Variants in EYA2 observed in about 807,000 individuals in gnomAD.
The protein encoded by EYA2 is protein phosphatase EYA2.
A neutral mutation model predicts 69.2 loss-of-function variants in EYA2; 31 were observed. The observed-to-expected ratio is 0.45, with a 90% CI of 0.34 to 0.60. EYA2 has a LOEUF of 0.60. Ranked by LOEUF, EYA2 falls within the 20% of genes least tolerant of loss-of-function variation. The pLI, the probability that EYA2 is intolerant of heterozygous loss-of-function variation, is 0.02. For synonymous variants in EYA2, 257 were observed against 279.4 expected (o/e 0.92, Z 0.80); for missense variants, 622 against 701.2 (o/e 0.89, Z 1.28).
chr20:47,027,597 G>T (rs1207509697), intron 5 of EYA2, among the ~76,000 whole-genome samples: 1 of 152,228 alleles, frequency 6.6e-6, no homozygotes, highest in East Asian at 1.9e-4. Flanking sequence ...AGTTAGATTT[G>T]GTCACCCCTA....
intron 10 of EYA2, among the ~76,000 whole-genome samples, chr20:47,166,393 T>TA (rs370944686): frequency 0.012 from 405 of 34,514 alleles, 114 homozygotes; most frequent in Non-Finnish European, 0.021. Flanking sequence ...CAAGACTGTC[T>TA]AAAAAAAAAA....
intron 1 of EYA2, among the ~76,000 whole-genome samples, chr20:46,899,065 C>T (rs1206255548): frequency 5.3e-5 from 8 of 152,170 alleles, no homozygotes; most frequent in African/African-American, 1.9e-4. Context: ...CTTGCCGCAA[C>T]CCCTTGAGTA....
chr20:47,090,797 T>C (rs1018456185), intron 8 of EYA2, among the ~76,000 whole-genome samples: 2 of 152,248 alleles, frequency 1.3e-5, no homozygotes, highest in African/African-American at 4.8e-5. Context: ...TGTAGTAGTA[T>C]TGGCCAGGTA....
chr20:47,035,164 G>A (rs528022324), intron 5 of EYA2, among the ~76,000 whole-genome samples: 5 of 152,290 alleles, frequency 3.3e-5, no homozygotes, highest in South Asian at 2.1e-4. Context: ...CAAGAACTGC[G>A]TCCTGTCCCT....
intron 1 of EYA2, among the ~76,000 whole-genome samples, chr20:46,977,909 T>C (rs369805455): frequency 6.6e-6 from 1 of 152,154 alleles, no homozygotes; most frequent in South Asian, 2.1e-4. Flanking sequence ...CCCAAAGTTG[T>C]TGAAGTGACA....
At chr20:47,147,554 G>A (rs896815194) in intron 10 of EYA2, among the ~76,000 whole-genome samples, 13 of 152,332 alleles carry the variant, frequency 8.5e-5, no homozygotes, top group Non-Finnish European at 1.6e-4. Context: ...TGAGGGTGAC[G>A]CCTTTGGGCC....
chr20:47,055,253 G>GA (rs1001003181), intron 5 of EYA2, among the ~76,000 whole-genome samples: 6 of 152,178 alleles, frequency 3.9e-5, no homozygotes, highest in African/African-American at 1.4e-4. Context: ...CTGTATCAGT[G>GA]AAAATCTCTC....
At chr20:46,960,136 A>G (rs888162727) in intron 1 of EYA2, among the ~76,000 whole-genome samples, 7 of 152,222 alleles carry the variant, frequency 4.6e-5, no homozygotes, top group Non-Finnish European at 4.4e-5. Context: ...ATTCGAAGGA[A>G]TCATGCTGAC....
intron 10 of EYA2, among the ~76,000 whole-genome samples, chr20:47,151,612 C>T (rs2033824719): frequency 6.6e-6 from 1 of 151,966 alleles, no homozygotes; most frequent in Admixed American, 6.6e-5. Flanking sequence ...CTCGCCAGTT[C>T]CTATGCACCT....
chr20:47,094,381 T>G (rs936966925), intron 8 of EYA2, among the ~76,000 whole-genome samples: 7 of 152,226 alleles, frequency 4.6e-5, no homozygotes, highest in African/African-American at 1.7e-4. Context: ...TAATAAGAAA[T>G]ATACTTACTA....
chr20:47,186,617 C>A (rs938413026), intron 15 of EYA2, among the ~76,000 whole-genome samples: 1 of 152,004 alleles, frequency 6.6e-6, no homozygotes, highest in African/African-American at 2.4e-5. Context: ...CCTTGGCCTC[C>A]CAAAGTCCTA....
intron 1 of EYA2, among the ~76,000 whole-genome samples, chr20:46,984,726 C>T (rs1405698279): frequency 6.6e-6 from 1 of 152,144 alleles, no homozygotes. Context: ...AAATCCTCCA[C>T]CTTGGCTATA....
At chr20:47,116,619 C>T (rs1176821420) in intron 9 of EYA2, among the ~76,000 whole-genome samples, 2 of 152,228 alleles carry the variant, frequency 1.3e-5, no homozygotes, top group African/African-American at 2.4e-5. Flanking sequence ...CTCTGCAGTG[C>T]GTTGGGCAGT....
intron 2 of EYA2, among the ~76,000 whole-genome samples, chr20:46,993,925 A>G (rs754136540): frequency 6.6e-6 from 1 of 152,260 alleles, no homozygotes; most frequent in Non-Finnish European, 1.5e-5. Context: ...CTGAGGCAGC[A>G]GTGTGCTCAA....
intron 7 of EYA2, among the ~76,000 whole-genome samples, chr20:47,081,879 G>A (rs571848219): frequency 5.3e-5 from 8 of 151,258 alleles, no homozygotes; most frequent in South Asian, 2.1e-4. Context: ...TCGATCTGTC[G>A]CCCAGGCTGG....
intron 11 of EYA2, among the ~76,000 whole-genome samples, chr20:47,170,133 C>T (rs565048658): frequency 1.4e-3 from 216 of 151,666 alleles, no homozygotes; most frequent in South Asian, 3.1e-3. Context: ...GTCTCAAACT[C>T]CTAACCTCAA....
At chr20:47,156,182 A>T (rs576182548) in intron 10 of EYA2, among the ~76,000 whole-genome samples, 1 of 90,996 alleles carries the variant, frequency 1.1e-5, no homozygotes, top group South Asian at 4.5e-4. Context: ...ATATATATAT[A>T]TATTAGCCGG....
intron 4 of EYA2, among the ~76,000 whole-genome samples, chr20:47,008,322 G>A (rs1982848247): frequency 6.6e-6 from 1 of 152,194 alleles, no homozygotes; most frequent in Non-Finnish European, 1.5e-5. Flanking sequence ...GCTGGTTGGT[G>A]GCAGAGGTGG....
chr20:47,101,856 G>A (rs961119012), intron 9 of EYA2, among the ~76,000 whole-genome samples: 1 of 152,150 alleles, frequency 6.6e-6, no homozygotes, highest in Admixed American at 6.5e-5. Flanking sequence ...TAGTTGGTGG[G>A]ATATTCATGA....
Sources: allele counts gnomAD v4.1 joint callset (sites outside exome capture counted in the v4.1 genomes callset), GRCh38; gene constraint gnomAD v4.1.1; transcripts MANE v1.5; gene names NCBI Gene and HGNC (gene_info 2026-07-23, HGNC 2026-07-21).